The following DZANK1 variants were observed in gnomAD, a reference collection of about 807,000 sequenced individuals.
The protein encoded by DZANK1 is double zinc ribbon and ankyrin repeat-containing protein 1.
Under a neutral mutation model 94.5 loss-of-function variants are expected in DZANK1, and 91 were observed. The ratio of observed to expected loss-of-function variants is 0.96; its 90% CI spans 0.81 to 1.15. The LOEUF (loss-of-function observed/expected upper bound fraction) is 1.15, where lower values mean the gene tolerates loss of function less well. Ranked by LOEUF, DZANK1 falls within the 50% of genes most tolerant of loss-of-function variation. The probability of loss-of-function intolerance (pLI) is 0.00; values close to 1 mark genes in which losing one functional copy is unlikely to be tolerated. For missense variants in DZANK1, 903 were observed against 916.4 expected (o/e 0.99, Z 0.19); for synonymous variants, 312 against 325.3 (o/e 0.96, Z 0.44).
At chr20:18,417,309 T>C (rs1330079302) in intron 10 of DZANK1, among the ~76,000 whole-genome samples, 1 of 152,228 alleles carries the variant, frequency 6.6e-6, no homozygotes, top group Non-Finnish European at 1.5e-5. Flanking sequence ...ACAAAATCAA[T>C]TTAAATGGTT....
intron 3 of DZANK1, 147 bp from the exon 4 acceptor site, chr20:18,455,508 T>C (rs974813715): frequency 3.9e-5 from 26 of 668,562 alleles, no homozygotes; most frequent in African/African-American, 5.5e-5. Flanking sequence ...GTAATTTCTA[T>C]AGTCTTTCCT....
At chr20:18,450,277 G>GGCCTAGGCC (rs1383374977) in intron 6 of DZANK1, among the ~76,000 whole-genome samples, 4 of 152,124 alleles carry the variant, frequency 2.6e-5, no homozygotes, top group African/African-American at 9.7e-5. Flanking sequence ...TAGGCTGGGT[G>GGCCTAGGCC]TAGTGGCTCA....
intron 18 of DZANK1, 53 bp downstream of exon 18, chr20:18,390,326 T>C (rs951574486): frequency 9.1e-6 from 14 of 1,535,362 alleles, no homozygotes; most frequent in Middle Eastern, 1.7e-4. Flanking sequence ...GAGACAGAGG[T>C]GGAATGCCAG....
chr20:18,397,675 G>T (rs1435768730), intron 14 of DZANK1, among the ~76,000 whole-genome samples: 2 of 152,318 alleles, frequency 1.3e-5, no homozygotes, highest in Middle Eastern at 3.4e-3. Flanking sequence ...TGCTCCACAT[G>T]TCTGAGGCCT....
chr20:18,455,335 GTCACAATGCCACTC>G lies in DZANK1; in HGVS notation c.276_289del (p.Gln92HisfsTer9). On this transcript the variant is annotated frameshift_variant, in exon 4 of 21. Coordinates refer to ENST00000262547, the Ensembl canonical transcript of DZANK1. LOFTEE classifies it high-confidence loss of function. ...TTCATAGTCTACGTGAAACACCTTT[GTCACAATGCCACTC>G]TGTCTGCAGTCTCTGAAAATTATTA... 6.2e-7 allele frequency: 1 copy of G among 1,606,752 alleles called. No individual in the cohort carries two copies.
chr20:18,444,215 T>A (rs1171467140), intron 7 of DZANK1, among the ~76,000 whole-genome samples: 1 of 152,228 alleles, frequency 6.6e-6, no homozygotes, highest in Non-Finnish European at 1.5e-5. Flanking sequence ...ACGTTGGAGC[T>A]GAGCTCATTC....
At chr20:18,439,332 T>C (rs1045045005) in intron 8 of DZANK1, among the ~76,000 whole-genome samples, 5 of 152,176 alleles carry the variant, frequency 3.3e-5, no homozygotes, top group African/African-American at 1.2e-4. Context: ...AGATCCAGTC[T>C]CCCCTTAAAT....
chr20:18,398,363 T>C, intron 14 of DZANK1, 160 bp downstream of exon 14: 1 of 631,722 alleles, frequency 1.6e-6, no homozygotes, highest in Non-Finnish European at 2.8e-6. Flanking sequence ...AAGTGATTTA[T>C]TAGAGCAGAG....
chr20:18,453,937 T>C (rs2148767671), intron 4 of DZANK1, 110 bp from the exon 5 acceptor site: 1 of 821,752 alleles, frequency 1.2e-6, no homozygotes. Context: ...AAAGAGTTTA[T>C]GGTCATTTGT....
At chr20:18,426,596 A>G (rs961145296) in intron 10 of DZANK1, among the ~76,000 whole-genome samples, 6 of 152,240 alleles carry the variant, frequency 3.9e-5, no homozygotes, top group Non-Finnish European at 8.8e-5. Flanking sequence ...TTTAAAGTGC[A>G]TATACTCGTA....
intron 3 of DZANK1, among the ~76,000 whole-genome samples, chr20:18,456,670 G>T (rs542049286): frequency 6.6e-6 from 1 of 151,518 alleles, no homozygotes; most frequent in East Asian, 2.0e-4. Context: ...TTATACATAT[G>T]TGGTCATCTT....
intron 6 of DZANK1, among the ~76,000 whole-genome samples, chr20:18,450,105 TA>T (rs1311046181): frequency 1.0e-5 from 1 of 99,908 alleles, no homozygotes; most frequent in African/African-American, 3.1e-5. Flanking sequence ...AATAAATAAA[TA>T]AATAAACAAA....
intron 8 of DZANK1, among the ~76,000 whole-genome samples, chr20:18,442,487 T>C (rs1398940093): frequency 6.6e-6 from 1 of 152,224 alleles, no homozygotes; most frequent in East Asian, 1.9e-4. Context: ...ATTCTGCCAT[T>C]ATATATTAGC....
At chr20:18,385,359 A>C (rs1278621041) in intron 19 of DZANK1, among the ~76,000 whole-genome samples, 3 of 151,960 alleles carry the variant, frequency 2.0e-5, no homozygotes, top group African/African-American at 7.3e-5. Flanking sequence ...GATTTAATAA[A>C]TGCTAATAAA....
At chr20:18,422,380 A>G (rs1014477058) in intron 10 of DZANK1, among the ~76,000 whole-genome samples, 1 of 152,112 alleles carries the variant, frequency 6.6e-6, no homozygotes, top group Non-Finnish European at 1.5e-5. Flanking sequence ...TGGGCTCTCT[A>G]TTCTTGTCCA....
chr20:18,443,265 T>G, intron 8 of DZANK1, 82 bp downstream of exon 8: 1 of 907,134 alleles, frequency 1.1e-6, no homozygotes, highest in Non-Finnish European at 1.8e-6. Flanking sequence ...GTGCAGTTCA[T>G]GTGTACCAAG....
At chr20:18,425,049 G>A (rs1164889559) in intron 10 of DZANK1, among the ~76,000 whole-genome samples, 1 of 152,158 alleles carries the variant, frequency 6.6e-6, no homozygotes, top group African/African-American at 2.4e-5. Flanking sequence ...AAAGAAGAAT[G>A]AGAAAACTTT....
At chr20:18,417,279 A>T (rs377113808) in intron 10 of DZANK1, among the ~76,000 whole-genome samples, 6 of 152,374 alleles carry the variant, frequency 3.9e-5, no homozygotes, top group East Asian at 3.9e-4. Context: ...ACCCAGAAAC[A>T]GTTACATCAC....
intron 10 of DZANK1, among the ~76,000 whole-genome samples, chr20:18,419,863 T>A (rs1484689153): frequency 7.3e-6 from 1 of 136,912 alleles, no homozygotes; most frequent in African/African-American, 2.8e-5. Context: ...ACATCAGAAA[T>A]AGTAAAAATA....
Sources: gnomAD v4.1 joint callset for allele counts (sites outside exome capture counted in the v4.1 genomes callset) on GRCh38, gnomAD v4.1.1 for gene constraint, MANE v1.5 for transcripts, NCBI Gene and HGNC (gene_info 2026-07-23, HGNC 2026-07-21) for gene names.